Variants in ACOX2 observed in about 807,000 individuals in gnomAD.
ACOX2 encodes the protein peroxisomal acyl-coenzyme A oxidase 2.
ACOX2 carries 59 observed loss-of-function variants against 77.5 expected under a neutral mutation model. The ratio of observed to expected loss-of-function variants is 0.76; its 90% CI spans 0.62 to 0.95. The LOEUF (loss-of-function observed/expected upper bound fraction) is 0.95, where lower values mean the gene tolerates loss of function less well. Ranked by LOEUF, ACOX2 falls within the 40% of genes least tolerant of loss-of-function variation. The probability of loss-of-function intolerance (pLI) is 0.00; values close to 1 mark genes in which losing one functional copy is unlikely to be tolerated. For synonymous variants in ACOX2, 317 were observed against 340.1 expected, an observed-to-expected ratio of 0.93 and a Z score of 0.75; for missense variants, 837 against 880.4, an observed-to-expected ratio of 0.95 and a Z score of 0.62.
At position 58,526,014 on chromosome 3, in the gene ACOX2, C is replaced by CAA. The variant is rs112008217; in HGVS notation, c.1346+450_1346+451dup. 1.4e-5 allele frequency among the ~76,000 whole-genome samples: 2 copies of CAA among 141,128 alleles called. No homozygotes were observed. Among genetic ancestry groups the CAA allele is most frequent in the Non-Finnish European group, 1.6e-5 (1 of 64,482 alleles). 92.6% of individuals were successfully genotyped at this position (141,128 alleles called of 152,430 possible). Reference sequence around the variant, plus strand: ...CCTGGGTGACAGTGAGACTCCATCTCAAAAAAAAAAAGAAGAAGAAGAAGT... The same window carrying CAA: ...CCTGGGTGACAGTGAGACTCCATCTCAAAAAAAAAAAAAGAAGAAGAAGAAGT... On this transcript the variant is annotated intron_variant, in intron 10 of 14. Transcript: ENST00000302819. The surrounding 1 kb of genome is among the most constrained non-coding windows in gnomAD (Gnocchi z 4.3).
chr3:58,521,004 C>A lies in ACOX2; in HGVS notation c.1632+1492G>T, dbSNP rs1298966620. ...GGGCTGTGTGGATTAAATGAAGTAA[C>A]CCTGGCAAGCAGCATCTGGTCCATT... On this transcript the variant is annotated intron_variant, in intron 12 of 14. Transcript: ENST00000302819. This position sits in a 1 kb window ranked among gnomAD's most constrained non-coding sequence, Gnocchi z 4.8. 2.0e-5 allele frequency among the ~76,000 whole-genome samples: 3 copies of A among 152,182 alleles called. No individual in the cohort carries two copies. Among genetic ancestry groups the A allele is most frequent in the African/African-American group, 7.2e-5 (3 of 41,442 alleles).
In ACOX2 at chr3:58,522,430, C is replaced by A; in HGVS notation, c.1632+66G>T. The A allele has an allele frequency of 6.6e-7, 1 of 1,512,636 alleles. No homozygotes were observed. The highest frequency in any genetic ancestry group is 9.2e-7 in the Non-Finnish European group (1 of 1,092,668). The allele number at this position is 1,512,636 out of a possible 1,614,324, so 93.7% of individuals were successfully genotyped here. On this transcript the variant is annotated intron_variant, in intron 12 of 14. Transcript: ENST00000302819. This position sits in a 1 kb window ranked among gnomAD's most constrained non-coding sequence, Gnocchi z 4.3. ...GGAATAATGGCAGAGCCCGGATTTT[C>A]CCAGCAGGGTAGCCTGCCTGGGAAG... is the stretch of plus-strand genomic sequence containing the variant.
rs752820060 is a variant in ACOX2 at position 58,534,012 on chromosome 3, G to A, written c.457C>T (p.Gln153Ter). 5 of 1,614,114 alleles carry A rather than the reference G, an allele frequency of 3.1e-6. No homozygotes were observed. Among genetic ancestry groups the A allele is most frequent in the Non-Finnish European group, 3.4e-6 (4 of 1,180,002 alleles). The change falls in exon 4 of 15, where the codon CAG (glutamine) becomes TAG (stop). Residue 153 changes from glutamine to a stop codon, truncating the protein, a stop_gained. Transcript: ENST00000302819. LOFTEE classifies it high-confidence loss of function. The surrounding 1 kb of genome is among the most constrained non-coding windows in gnomAD (Gnocchi z 4.8). ...KNIQIIATYA[Q>*]TELGHGTYLQ... ...AGCTCACCATGTCCCAACTCTGTCT[G>A]TGCATACGTTGCGATGATCTGGATG...
chr3:58,524,784 C>T lies in ACOX2; in HGVS notation c.1347-179G>A, dbSNP rs1435505229. On this transcript the variant is annotated intron_variant, in intron 10 of 14. Transcript: ENST00000302819. This position sits in a 1 kb window ranked among gnomAD's most constrained non-coding sequence, Gnocchi z 5.5. ...GGTTCCCCCTCGGGCCGTCCTGCCT[C>T]GAGGCCCTCAGTCAGGCATATCCCA... is the stretch of plus-strand genomic sequence containing the variant. Among the ~76,000 whole-genome samples the T allele has an allele frequency of 1.3e-5, 2 of 152,216 alleles. No homozygotes were observed. The highest frequency in any genetic ancestry group is 2.4e-5 in the African/African-American group (1 of 41,466).
chr3:58,523,953 A>C lies in ACOX2; in HGVS notation c.1526+473T>G, dbSNP rs2063376777. Reference sequence around the variant, plus strand: ...AATGGATGAGTCCTTGGTTTTGTCCATGTTCCCTGGAGCCTACTAGACCCT... The same window carrying C: ...AATGGATGAGTCCTTGGTTTTGTCCCTGTTCCCTGGAGCCTACTAGACCCT... On this transcript the variant is annotated intron_variant, in intron 11 of 14. Coordinates refer to ENST00000302819, the MANE Select transcript of ACOX2 (RefSeq NM_003500.4). The surrounding 1 kb of genome is among the most constrained non-coding windows in gnomAD (Gnocchi z 5.3). 6.6e-6 allele frequency among the ~76,000 whole-genome samples: 1 copy of C among 152,186 alleles called. No individual in the cohort carries two copies. Among genetic ancestry groups the C allele is most frequent in the Non-Finnish European group, 1.5e-5 (1 of 68,038 alleles).
chr3:58,531,737 A>G lies in ACOX2; in HGVS notation c.659T>C (p.Phe220Ser). 3.1e-6 allele frequency: 5 copies of G among 1,614,216 alleles called. No homozygotes were observed. The highest frequency in any genetic ancestry group is 4.2e-6 in the Non-Finnish European group (5 of 1,180,034). Residue 220 changes from phenylalanine (F) to serine (S), a missense_variant, in exon 6 of 15, where the codon TTT (phenylalanine) becomes TCT (serine). Physicochemically the swap from Phe to Ser is radical, Grantham distance 155. Transcript: ENST00000302819. The surrounding 1 kb of genome is among the most constrained non-coding windows in gnomAD (Gnocchi z 5.8). ...CSGARRGMHAFIVPIRSLQDH... is the reference protein window; with the variant it reads ...CSGARRGMHASIVPIRSLQDH... ...CTGAAGACTCCGGATTGGCACAATAAAAGCGTGCATGCCCCGCCTGGCTCC... is the reference window on the plus strand; with the variant it reads ...CTGAAGACTCCGGATTGGCACAATAGAAGCGTGCATGCCCCGCCTGGCTCC...
chr3:58,534,894 C>CA lies in ACOX2; in HGVS notation c.160+52dup. 6.2e-7 allele frequency: 1 copy of CA among 1,609,520 alleles called. No individual in the cohort carries two copies. The highest frequency in any genetic ancestry group is 8.5e-7 in the Non-Finnish European group (1 of 1,176,480). On this transcript the variant is annotated intron_variant, in intron 2 of 14. Transcript: ENST00000302819. This position sits in a 1 kb window ranked among gnomAD's most constrained non-coding sequence, Gnocchi z 4.8. Reference sequence around the variant, plus strand: ...AACTGCTAATGAAGGACTCTTCTTACAAGAGAAGCATGGGGCATAAAACAG... The same window carrying CA: ...AACTGCTAATGAAGGACTCTTCTTACAAAGAGAAGCATGGGGCATAAAACAG...
At chr3:58,518,075 C>CAAAAAAAAAAA (rs763535906) in intron 12 of ACOX2, among the ~76,000 whole-genome samples, 24 of 47,674 alleles carry the variant, frequency 5.0e-4, no homozygotes, top group African/African-American at 9.4e-4. Context: ...AACTCCATCT[C>CAAAAAAAAAAA]AAAAAAAAAA....
At chr3:58,506,892 G>A (rs938597250) in intron 14 of ACOX2, among the ~76,000 whole-genome samples, 7 of 152,260 alleles carry the variant, frequency 4.6e-5, no homozygotes, top group African/African-American at 1.4e-4. Context: ...CAAAATTATA[G>A]CATTATATCT....
chr3:58,533,730 G>A lies in ACOX2; in HGVS notation c.476-178C>T. The A allele has an allele frequency of 1.5e-6, 1 of 676,780 alleles. No individual in the cohort carries two copies. Among genetic ancestry groups the A allele is most frequent in the Non-Finnish European group, 2.5e-6 (1 of 398,718 alleles). 41.9% of individuals were successfully genotyped at this position (676,780 alleles called of 1,614,324 possible). A position where few individuals can be genotyped will look rare whatever the true frequency, so the allele number is the denominator to read the frequency against. On this transcript the variant is annotated intron_variant, in intron 4 of 14. Coordinates refer to ENST00000302819, the MANE Select transcript of ACOX2 (RefSeq NM_003500.4). This position sits in a 1 kb window ranked among gnomAD's most constrained non-coding sequence, Gnocchi z 5.6. Reference sequence around the variant, plus strand: ...CTGTGGGCTGTGTGTGGGACACACAGTCCCCTATAGCCAGTCCATGAGAAG... The same window carrying A: ...CTGTGGGCTGTGTGTGGGACACACAATCCCCTATAGCCAGTCCATGAGAAG...
chr3:58,531,859 T>G lies in ACOX2; in HGVS notation c.584-47A>C. 1.9e-6 allele frequency: 3 copies of G among 1,571,694 alleles called. No homozygotes were observed. Among genetic ancestry groups the G allele is most frequent in the Non-Finnish European group, 2.6e-6 (3 of 1,159,494 alleles). On this transcript the variant is annotated intron_variant, in intron 5 of 14. Coordinates refer to ENST00000302819, the MANE Select transcript of ACOX2 (RefSeq NM_003500.4). The surrounding 1 kb of genome is among the most constrained non-coding windows in gnomAD (Gnocchi z 5.8). ...GCCCGTCACAGGAAGACCTGTGCAT[T>G]GCTTTTCCCAACCAACCCAGCCTCC...
At position 58,531,935 on chromosome 3, in the gene ACOX2, T is replaced by C; in HGVS notation, c.584-123A>G. ...CTCTGGGGCCCTGAAAAGTCACTGA[T>C]CAAAGAGAGAGGGGATTGCCCCCAA... On this transcript the variant is annotated intron_variant, in intron 5 of 14. Coordinates refer to ENST00000302819, the MANE Select transcript of ACOX2 (RefSeq NM_003500.4). The surrounding 1 kb of genome is among the most constrained non-coding windows in gnomAD (Gnocchi z 5.8). 7.3e-7 allele frequency: 1 copy of C among 1,370,612 alleles called. No individual in the cohort carries two copies. The highest frequency in any genetic ancestry group is 1.5e-5 in the African/African-American group (1 of 68,378). 84.9% of individuals were successfully genotyped at this position (1,370,612 alleles called of 1,614,324 possible).
rs146624586 is a variant in ACOX2 at position 58,534,368 on chromosome 3, G to A, written c.315C>T (p.Tyr105=). ...GWLEDGRELG[Y]AYRALSGDVA... ...GCTCGAGGAGTGAGCACCTGTAAGCGTAGCCTAATTCACGACCATCTTCTA... is the reference window on the plus strand; with the variant it reads ...GCTCGAGGAGTGAGCACCTGTAAGCATAGCCTAATTCACGACCATCTTCTA... Residue 105 remains tyrosine, a synonymous_variant, in exon 3 of 15, where the codon TAC becomes TAT. Coordinates refer to ENST00000302819, the MANE Select transcript of ACOX2 (RefSeq NM_003500.4). This position sits in a 1 kb window ranked among gnomAD's most constrained non-coding sequence, Gnocchi z 4.8. 75 of 1,614,168 alleles carry A rather than the reference G, an allele frequency of 4.6e-5. No individual in the cohort carries two copies. In the African/African-American group the frequency reaches 5.7e-4, roughly 12 times the overall value.
chr3:58,511,025 T>G, intron 13 of ACOX2: 1 of 456,662 alleles, frequency 2.2e-6, no homozygotes. Flanking sequence ...TCCCATCTCT[T>G]TTGCCTGGAT....
In ACOX2 at chr3:58,526,483, G is replaced by C. The variant is rs112570370; in HGVS notation, c.1329C>G (p.Leu443=). The part of the protein sequence containing the change: ...SCTYEGENTV[L]YLQVARFLVK... ...GACCTTACCTGGCCACCTGCAGGTA[G>C]AGCACTGTGTTCTCACCCTCGTAGG... Residue 443 remains leucine (L), a synonymous_variant, in exon 10 of 15, where the codon CTC becomes CTG. Transcript: ENST00000302819. The surrounding 1 kb of genome is among the most constrained non-coding windows in gnomAD (Gnocchi z 4.3). 3.7e-6 allele frequency: 6 copies of C among 1,613,632 alleles called. No individual in the cohort carries two copies. Among genetic ancestry groups the C allele is most frequent in the Non-Finnish European group, 5.1e-6 (6 of 1,179,740 alleles).
In ACOX2 at chr3:58,531,692, C is replaced by T. The variant is rs1363052343; in HGVS notation, c.703+1G>A. 2 of 1,613,756 alleles carry T rather than the reference C, an allele frequency of 1.2e-6. No individual in the cohort carries two copies. The highest frequency in any genetic ancestry group is 1.7e-6 in the Non-Finnish European group (2 of 1,179,794). ...TCCTTGAGGGAGCATTATGGGCTTA[C>T]CTGGCAGTGGGGTGTGGTCCTGAAG... On this transcript the variant is annotated splice_donor_variant, in intron 6 of 14. Coordinates refer to ENST00000302819, the MANE Select transcript of ACOX2 (RefSeq NM_003500.4). LOFTEE classifies it high-confidence loss of function. This position sits in a 1 kb window ranked among gnomAD's most constrained non-coding sequence, Gnocchi z 5.8.
rs199808000 is a variant in ACOX2, at chr3:58,508,937, C to T, written c.1939G>A (p.Glu647Lys). 7.4e-5 allele frequency: 119 copies of T among 1,614,160 alleles called. No individual in the cohort carries two copies. The highest frequency in any genetic ancestry group is 4.0e-4 in the Admixed American group (24 of 60,014). ...ALGCYDGNVY[E>K]RLFQWAQKSP... ...TTCTGAGCCCACTGGAACAGGCGTT[C>T]GTAGACGTTTCCATCATAACAGCCA... Residue 647 changes from glutamate (E) to lysine (K), a missense_variant, in exon 14 of 15, where the codon GAA (glutamate) becomes AAA (lysine). Glu to Lys is a moderately conservative substitution (Grantham distance 56). Coordinates refer to ENST00000302819, the MANE Select transcript of ACOX2 (RefSeq NM_003500.4).
Position 58,533,317 on chromosome 3 carries a change from C to T in ACOX2, c.583+128G>A. ...AGGCTCAGGTTGGTGAACTGACTTG[C>T]CCAAGGTCAGCAGCCTAGAACAGAA... On this transcript the variant is annotated intron_variant, in intron 5 of 14. Transcript: ENST00000302819. The surrounding 1 kb of genome is among the most constrained non-coding windows in gnomAD (Gnocchi z 5.6). 1 of 834,484 alleles carries T rather than the reference C, an allele frequency of 1.2e-6. No individual in the cohort carries two copies. The highest frequency in any genetic ancestry group is 2.5e-5 in the East Asian group (1 of 39,918). 51.7% of individuals were successfully genotyped at this position (834,484 alleles called of 1,614,324 possible).
chr3:58,507,188 T>G (rs1484476407), intron 14 of ACOX2, among the ~76,000 whole-genome samples: 1 of 152,202 alleles, frequency 6.6e-6, no homozygotes, highest in Non-Finnish European at 1.5e-5. Context: ...AGCAGATTCC[T>G]TTGTCTCACT....
Sources: gnomAD v4.1 joint callset for allele counts (sites outside exome capture counted in the v4.1 genomes callset) on GRCh38, gnomAD v4.1.1 for gene constraint, Gnocchi (gnomAD v3.1) non-coding constraint, MANE v1.5 for transcripts, NCBI Gene and HGNC (gene_info 2026-07-23, HGNC 2026-07-21) for gene names.